The following SYT17 variants were observed in gnomAD, a reference collection of about 807,000 sequenced individuals.
The protein encoded by SYT17 is synaptotagmin-17.
Under a neutral mutation model 46.7 loss-of-function variants are expected in SYT17, and 22 were observed. The ratio of observed to expected loss-of-function variants is 0.47; its 90% CI spans 0.34 to 0.67. The LOEUF is 0.67. SYT17 is among the 30% of genes least tolerant of loss of function. The probability of loss-of-function intolerance (pLI) is 0.01; values close to 1 mark genes in which losing one functional copy is unlikely to be tolerated. For missense variants in SYT17, 519 were observed against 612.8 expected (o/e 0.85, Z 1.62); for synonymous variants, 251 against 248.4 (o/e 1.01, Z -0.10).
chr16:19,186,444 G>A (rs1302293538), intron 5 of SYT17, among the ~76,000 whole-genome samples: 1 of 152,110 alleles, frequency 6.6e-6, no homozygotes, highest in African/African-American at 2.4e-5. Flanking sequence ...TGATTGCGCC[G>A]ATGCACTCCA....
intron 3 of SYT17, among the ~76,000 whole-genome samples, chr16:19,174,051 C>G (rs375868941): frequency 6.6e-6 from 1 of 152,106 alleles, no homozygotes; most frequent in Non-Finnish European, 1.5e-5. Flanking sequence ...GATGGGTAGA[C>G]GGAATGAACA....
intron 5 of SYT17, among the ~76,000 whole-genome samples, chr16:19,218,309 A>G (rs1966172641): frequency 6.6e-6 from 1 of 152,104 alleles, no homozygotes. Flanking sequence ...TTTACTTTCT[A>G]TCAACTGCTC....
At chr16:19,216,764 C>T (rs1433995751) in intron 5 of SYT17, among the ~76,000 whole-genome samples, 2 of 152,210 alleles carry the variant, frequency 1.3e-5, no homozygotes, top group Admixed American at 1.3e-4. Context: ...GCTACATTTT[C>T]TTTATCCTGT....
chr16:19,186,340 C>T (rs1964789140), intron 5 of SYT17, among the ~76,000 whole-genome samples: 1 of 151,722 alleles, frequency 6.6e-6, no homozygotes, highest in Non-Finnish European at 1.5e-5. Context: ...AAAAATTAGC[C>T]AGGCATGGTG....
intron 5 of SYT17, among the ~76,000 whole-genome samples, chr16:19,191,299 T>C (rs1466309632): frequency 1.3e-5 from 2 of 152,142 alleles, no homozygotes; most frequent in African/African-American, 4.8e-5. Context: ...CCCGAGGGGA[T>C]GGTATTCAGA....
chr16:19,175,389 CTCA>C (rs922475370), intron 3 of SYT17, among the ~76,000 whole-genome samples: 17 of 151,708 alleles, frequency 1.1e-4, no homozygotes, highest in African/African-American at 4.1e-4. Flanking sequence ...TGCCGTGGCT[CTCA>C]TCTGTAATCC....
At chr16:19,263,574 A>G (rs1168629148) in intron 7 of SYT17, among the ~76,000 whole-genome samples, 1 of 142,790 alleles carries the variant, frequency 7.0e-6, no homozygotes, top group Non-Finnish European at 1.5e-5. Flanking sequence ...CGGGAGGCAG[A>G]GGTTGCAGTG....
chr16:19,178,864 A>C (rs1462389662), intron 3 of SYT17, among the ~76,000 whole-genome samples: 4 of 151,904 alleles, frequency 2.6e-5, no homozygotes, highest in Non-Finnish European at 5.9e-5. Context: ...TAGCTTTATG[A>C]GTATTGGGGG....
chr16:19,188,711 G>C (rs1365244952), intron 5 of SYT17, among the ~76,000 whole-genome samples: 1 of 152,122 alleles, frequency 6.6e-6, no homozygotes, highest in Non-Finnish European at 1.5e-5. Flanking sequence ...AGGAGTCCCA[G>C]ATCAAGGCAT....
At chr16:19,172,401 T>A in intron 1 of SYT17, 1 of 1,423,308 alleles carries the variant, frequency 7.0e-7, no homozygotes, top group Non-Finnish European at 9.1e-7. Context: ...TATTTCTGTA[T>A]AGGAAGGTTT....
rs1372481368 is a variant in SYT17, at chr16:19,168,556, C to G, written c.-91C>G. ...ACCGGCTGCCTTTTTCTTCCTTTCC[C>G]CCTTTGCTTTCTTCCCCCTCCGCTG... On this transcript the variant is annotated 5_prime_UTR_variant, in exon 1 of 8. Transcript: ENST00000355377. The surrounding 1 kb of genome is among the most constrained non-coding windows in gnomAD (Gnocchi z 6.9). 7.2e-6 allele frequency: 11 copies of G among 1,528,822 alleles called. No homozygotes were observed. Among genetic ancestry groups the G allele is most frequent in the Non-Finnish European group, 9.7e-6 (11 of 1,131,152 alleles). The allele number at this position is 1,528,822 out of a possible 1,614,324, so 94.7% of individuals were successfully genotyped here. A position where few individuals can be genotyped will look rare whatever the true frequency, so the allele number is the denominator to read the frequency against.
chr16:19,250,753 C>A (rs1433507907), intron 7 of SYT17, among the ~76,000 whole-genome samples: 1 of 151,902 alleles, frequency 6.6e-6, no homozygotes, highest in African/African-American at 2.4e-5. Context: ...TTATTGAAGT[C>A]CAACACACAT....
chr16:19,212,456 A>C (rs1965941946), intron 5 of SYT17, among the ~76,000 whole-genome samples: 1 of 152,076 alleles, frequency 6.6e-6, no homozygotes, highest in Non-Finnish European at 1.5e-5. Flanking sequence ...CCCTATCTCT[A>C]CTAAAAATAC....
intron 7 of SYT17, among the ~76,000 whole-genome samples, chr16:19,230,355 C>G (rs777950753): frequency 6.6e-6 from 1 of 151,056 alleles, no homozygotes; most frequent in Admixed American, 6.6e-5. Flanking sequence ...TGCAATGAGC[C>G]GAGATCACGC....
intron 3 of SYT17, among the ~76,000 whole-genome samples, chr16:19,179,714 C>G (rs887769772): frequency 6.6e-6 from 1 of 152,196 alleles, no homozygotes; most frequent in African/African-American, 2.4e-5. Flanking sequence ...GGTTCAGCCC[C>G]AGCGGTTCTC....
At chr16:19,182,076 G>A (rs769899334) in intron 4 of SYT17, among the ~76,000 whole-genome samples, 1 of 151,330 alleles carries the variant, frequency 6.6e-6, no homozygotes, top group Non-Finnish European at 1.5e-5. Context: ...ATGTTGAAAT[G>A]AGTATACATT....
intron 3 of SYT17, among the ~76,000 whole-genome samples, chr16:19,176,733 T>G (rs1964328985): frequency 6.6e-6 from 1 of 152,078 alleles, no homozygotes; most frequent in Non-Finnish European, 1.5e-5. Context: ...CCCAGGCTGG[T>G]CTTAAACTCC....
intron 7 of SYT17, among the ~76,000 whole-genome samples, chr16:19,245,042 C>A (rs564898065): frequency 2.0e-5 from 3 of 152,290 alleles, no homozygotes; most frequent in South Asian, 2.1e-4. Context: ...TGCTCCACGA[C>A]CTCCCTGAGC....
rs33936912 is a variant in SYT17, at chr16:19,227,324, C to CTTTTT, written c.1228+2494_1228+2498dup. Among the ~76,000 whole-genome samples the CTTTTT allele has an allele frequency of 4.8e-3, 682 of 143,038 alleles. 6 individuals are homozygous for CTTTTT. The highest frequency in any genetic ancestry group is 0.014 in the African/African-American group (529 of 38,184). 93.8% of individuals were successfully genotyped at this position (143,038 alleles called of 152,430 possible). ...TCTTGCTGTGTAATCCTTCTCCCCG[C>CTTTTT]TTTTTTTTTTTTGAGACAATCTCAT... On this transcript the variant is annotated intron_variant, in intron 7 of 7. Coordinates refer to ENST00000355377, the MANE Select transcript of SYT17 (RefSeq NM_016524.4).
Sources: allele counts gnomAD v4.1 joint callset (sites outside exome capture counted in the v4.1 genomes callset), GRCh38; gene constraint gnomAD v4.1.1; non-coding constraint Gnocchi (gnomAD v3.1); transcripts MANE v1.5; gene names NCBI Gene and HGNC (gene_info 2026-07-23, HGNC 2026-07-21).